THBS3: variants seen among roughly 807,000 people sequenced by gnomAD.
The protein encoded by THBS3 is thrombospondin-3.
In THBS3, 78 loss-of-function variants were observed where a neutral mutation model predicts 118.3. That is an observed-to-expected ratio of 0.66 (90% CI 0.55 to 0.80). THBS3 has a LOEUF of 0.80. Ranked by LOEUF, THBS3 falls within the 30% of genes least tolerant of loss-of-function variation. THBS3 has a pLI of 0.00. For synonymous variants in THBS3, 427 were observed against 475.3 expected (o/e 0.90, Z 1.32); for missense variants, 1,057 against 1,247.4 (o/e 0.85, Z 2.30).
chr1:155,195,616 T>C lies in THBS3; in HGVS notation c.*225A>G. The C allele has an allele frequency of 1.9e-6, 1 of 519,780 alleles. No homozygotes were observed. The highest frequency in any genetic ancestry group is 3.5e-6 in the Non-Finnish European group (1 of 287,556). 32.2% of individuals were successfully genotyped at this position (519,780 alleles called of 1,614,324 possible). A position where few individuals can be genotyped will look rare whatever the true frequency, so the allele number is the denominator to read the frequency against. On this transcript the variant is annotated 3_prime_UTR_variant, in exon 23 of 23. Coordinates refer to ENST00000368378, the MANE Select transcript of THBS3 (RefSeq NM_007112.5). The stretch of plus-strand genomic sequence containing the variant: ...GAAAACAACCAAAACTTTATGGCAA[T>C]GTGCTGTCATCTTTCCTGGGGTTAG...
chr1:155,205,668 C>T (rs966549688), intron 2 of THBS3, among the ~76,000 whole-genome samples: 25 of 152,114 alleles, frequency 1.6e-4, no homozygotes, highest in African/African-American at 6.0e-4. Flanking sequence ...GTCCCAGCTA[C>T]TCAGGAGGCT....
At chr1:155,205,844 T>G (rs994279674) in intron 2 of THBS3, among the ~76,000 whole-genome samples, 1 of 152,204 alleles carries the variant, frequency 6.6e-6, no homozygotes, top group African/African-American at 2.4e-5. Context: ...CTGTATCCTC[T>G]CCTAGGGTGA....
chr1:155,197,436 G>T lies in THBS3; in HGVS notation c.2499+27C>A. 1.2e-6 allele frequency: 2 copies of T among 1,607,514 alleles called. No homozygotes were observed. Among genetic ancestry groups the T allele is most frequent in the Non-Finnish European group, 1.7e-6 (2 of 1,178,094 alleles). On this transcript the variant is annotated intron_variant, in intron 20 of 22. Transcript: ENST00000368378. The surrounding 1 kb of genome is among the most constrained non-coding windows in gnomAD (Gnocchi z 5.0). The stretch of plus-strand genomic sequence containing the variant: ...AGGAGAGCTTTGGGAAAGGGCCCTG[G>T]GTTGCGGAATCTGAGCAGCTGGGGA...
intron 16 of THBS3, chr1:155,198,810 T>C (rs1669136189): frequency 3.5e-6 from 2 of 566,828 alleles, no homozygotes; most frequent in Non-Finnish European, 6.2e-6. Context: ...TAAGGCTAAA[T>C]CATAGAAGGA....
chr1:155,203,428 C>T, intron 5 of THBS3, 85 bp downstream of exon 5: 1 of 1,595,142 alleles, frequency 6.3e-7, no homozygotes, highest in South Asian at 1.1e-5. Flanking sequence ...ACATTCCTGA[C>T]TGAAGAGGAC....
chr1:155,200,573 T>C lies in THBS3; in HGVS notation c.1586A>G (p.Asn529Ser). ...CRLFPNKDQQNSDTDSFGDAC... is the reference protein window; with the variant it reads ...CRLFPNKDQQSSDTDSFGDAC... ...ATCACCAAATGAATCTGTATCTGAG[T>C]TCTGCTGGTCTTTGTTGGGGAACAG... is the stretch of plus-strand genomic sequence containing the variant. Residue 529 changes from asparagine (N) to serine (S), a missense_variant, in exon 14 of 23, where the codon AAC (asparagine) becomes AGC (serine). Physicochemically the swap from Asn to Ser is conservative, Grantham distance 46 (BLOSUM62 1). This residue lies in a region of THBS3 where 544 missense variants were observed against 715.6 expected (regional missense o/e 0.76). Coordinates refer to ENST00000368378, the MANE Select transcript of THBS3 (RefSeq NM_007112.5). The C allele has an allele frequency of 1.2e-6, 2 of 1,614,226 alleles. No individual in the cohort carries two copies. Among genetic ancestry groups the C allele is most frequent in the African/African-American group, 1.3e-5 (1 of 75,052 alleles).
Position 155,197,035 on chromosome 1 carries a change from C to T in THBS3, c.2672+6G>A, listed in dbSNP as rs746092298. 4 of 1,612,804 alleles carry T rather than the reference C, an allele frequency of 2.5e-6. No homozygotes were observed. The highest frequency in any genetic ancestry group is 3.4e-6 in the Non-Finnish European group (4 of 1,179,110). ...TCCCACAGGTGGGCTCAGCCCCTCT[C>T]CTTACCGAATGTAGCCAACTTGAGG... On this transcript the variant is annotated splice_donor_region_variant and intron_variant, in intron 21 of 22. Coordinates refer to ENST00000368378, the MANE Select transcript of THBS3 (RefSeq NM_007112.5). The surrounding 1 kb of genome is among the most constrained non-coding windows in gnomAD (Gnocchi z 5.0).
chr1:155,207,971 A>T, upstream of THBS3: 1 of 631,352 alleles, frequency 1.6e-6, no homozygotes, highest in Non-Finnish European at 2.5e-6. Context: ...GAGGGACAGA[A>T]TTGGAGGGGG....
In THBS3 at chr1:155,197,349, A is replaced by G; in HGVS notation, c.2499+114T>C. On this transcript the variant is annotated intron_variant, in intron 20 of 22. Transcript: ENST00000368378. The surrounding 1 kb of genome is among the most constrained non-coding windows in gnomAD (Gnocchi z 5.0). ...CTGGGGCCCCAGAGAGCCGGCCTCC[A>G]AGCCAGATGTCTGGGTAAGAGGGTT... is the stretch of plus-strand genomic sequence containing the variant. 2.6e-6 allele frequency: 4 copies of G among 1,523,780 alleles called. No individual in the cohort carries two copies. The South Asian group carries it at 4.8e-5, about 18-fold the overall frequency. 94.4% of individuals were successfully genotyped at this position (1,523,780 alleles called of 1,614,324 possible). A position where few individuals can be genotyped will look rare whatever the true frequency, so the allele number is the denominator to read the frequency against.
chr1:155,207,661 A>T, intron 1 of THBS3, 137 bp downstream of exon 1: 1 of 857,700 alleles, frequency 1.2e-6, no homozygotes, highest in Non-Finnish European at 1.8e-6. Flanking sequence ...CACCAACTCT[A>T]GGCAGTCTTA....
In THBS3 at chr1:155,202,511, C is replaced by A; in HGVS notation, c.958-110G>T. The A allele has an allele frequency of 1.4e-6, 2 of 1,456,854 alleles. No homozygotes were observed. Among genetic ancestry groups the A allele is most frequent in the Non-Finnish European group, 9.2e-7 (1 of 1,083,844 alleles). 90.2% of individuals were successfully genotyped at this position (1,456,854 alleles called of 1,614,324 possible). A position where few individuals can be genotyped will look rare whatever the true frequency, so the allele number is the denominator to read the frequency against. On this transcript the variant is annotated intron_variant, in intron 8 of 22. Transcript: ENST00000368378. This position sits in a 1 kb window ranked among gnomAD's most constrained non-coding sequence, Gnocchi z 5.5. ...GGTCTCCCCTTTGTGCAGCTCTCCCCACACAACTGCCTTGTGCTCCTGGTC... is the reference window on the plus strand; with the variant it reads ...GGTCTCCCCTTTGTGCAGCTCTCCCAACACAACTGCCTTGTGCTCCTGGTC...
Position 155,197,801 on chromosome 1 carries a change from T to G in THBS3, c.2302+79A>C. On this transcript the variant is annotated intron_variant, in intron 19 of 22. Coordinates refer to ENST00000368378, the MANE Select transcript of THBS3 (RefSeq NM_007112.5). This position sits in a 1 kb window ranked among gnomAD's most constrained non-coding sequence, Gnocchi z 5.0. The stretch of plus-strand genomic sequence containing the variant: ...CTCTCGCCACTTTGCCCATTCTCCC[T>G]GTCTGTTTCCTCCCCTACCCTCTGC... The G allele has an allele frequency of 6.2e-7, 1 of 1,605,056 alleles. No individual in the cohort carries two copies. The highest frequency in any genetic ancestry group is 8.5e-7 in the Non-Finnish European group (1 of 1,172,380).
rs1463693329 is a variant in THBS3 at position 155,203,151 on chromosome 1, G to C, written c.757-14C>G. 6.8e-6 allele frequency: 11 copies of C among 1,614,216 alleles called. No homozygotes were observed. Among genetic ancestry groups the C allele is most frequent in the Non-Finnish European group, 8.5e-6 (10 of 1,180,036 alleles). ...CATTTCCTTCACCTGGAGAAGGATG[G>C]GGAGGAGTCAGCACTTGACATCTGC... On this transcript the variant is annotated splice_polypyrimidine_tract_variant and intron_variant, in intron 6 of 22. Transcript: ENST00000368378.
chr1:155,202,343 A>C lies in THBS3; in HGVS notation c.1016T>G (p.Phe339Cys). 1 of 1,614,048 alleles carries C rather than the reference A, an allele frequency of 6.2e-7. No homozygotes were observed. ...GSSCINTMPG[F>C]HCEACPRGYK... ...CCCTCGAGGACAGGCCTCACAGTGG[A>C]AGCCGGGCATGGTGTTGATGCAGCT... The change falls in exon 9 of 23, where the codon TTC becomes TGC. Residue 339 changes from phenylalanine (F) to cysteine (C), a missense_variant. Around this residue, in one of 3 missense-constraint regions of THBS3, gnomAD observed 544 missense variants for 715.6 expected, o/e 0.76. Transcript: ENST00000368378. This position sits in a 1 kb window ranked among gnomAD's most constrained non-coding sequence, Gnocchi z 5.5.
chr1:155,197,381 C>A lies in THBS3; in HGVS notation c.2499+82G>T. 1.3e-6 allele frequency: 2 copies of A among 1,553,402 alleles called. No homozygotes were observed. Among genetic ancestry groups the A allele is most frequent in the East Asian group, 2.3e-5 (1 of 44,342 alleles). On this transcript the variant is annotated intron_variant, in intron 20 of 22. Transcript: ENST00000368378. This position sits in a 1 kb window ranked among gnomAD's most constrained non-coding sequence, Gnocchi z 5.0. ...ATGTCTGGGTAAGAGGGTTCCCAGT[C>A]AAGCAGTGGGGGAGGCCCTGGGGCT...
rs1379469205 is a variant in THBS3, at chr1:155,202,561, CCT to C, written c.958-162_958-161del. The C allele has an allele frequency of 5.2e-6, 6 of 1,154,772 alleles. No individual in the cohort carries two copies. Among genetic ancestry groups the C allele is most frequent in the African/African-American group, 4.7e-5 (3 of 64,402 alleles). 71.5% of individuals were successfully genotyped at this position (1,154,772 alleles called of 1,614,324 possible). A position where few individuals can be genotyped will look rare whatever the true frequency, so the allele number is the denominator to read the frequency against. On this transcript the variant is annotated intron_variant, in intron 8 of 22. Coordinates refer to ENST00000368378, the MANE Select transcript of THBS3 (RefSeq NM_007112.5). The surrounding 1 kb of genome is among the most constrained non-coding windows in gnomAD (Gnocchi z 5.5). ...CCCCACCCCACTTCCCTCGGGGTTC[CCT>C]CTCTCCCTCCCCATGCCACTGGTCA...
At chr1:155,205,345 G>A (rs372881824) in intron 2 of THBS3, 29 bp from the exon 3 acceptor site, 178 of 1,600,902 alleles carry the variant, frequency 1.1e-4, no homozygotes, top group Non-Finnish European at 1.4e-4. Context: ...CAGTATGGGC[G>A]CTATCCCCCA....
At chr1:155,208,710 C>A, upstream of THBS3, 1 of 1,300,874 alleles carries the variant, frequency 7.7e-7, no homozygotes, top group Non-Finnish European at 1.0e-6. Context: ...AGCCCCAGCC[C>A]GGCCTCCGCT....
chr1:155,196,149 A>G (rs1357766677), intron 21 of THBS3, 23 bp from the exon 22 acceptor site: 3 of 1,613,352 alleles, frequency 1.9e-6, no homozygotes, highest in South Asian at 2.2e-5. Flanking sequence ...CCAGGATAGG[A>G]GTATCCATTG....
Sources: gnomAD v4.1 joint callset for allele counts (sites outside exome capture counted in the v4.1 genomes callset) on GRCh38, gnomAD v4.1.1 for gene constraint, gnomAD v4.1.1 regional missense constraint, Gnocchi (gnomAD v3.1) non-coding constraint, MANE v1.5 for transcripts, NCBI Gene and HGNC (gene_info 2026-07-23, HGNC 2026-07-21) for gene names.